The following TSNARE1 variants were observed in gnomAD, a reference collection of about 807,000 sequenced individuals.
TSNARE1 encodes the protein t-SNARE domain-containing protein 1.
A neutral mutation model predicts 62.0 loss-of-function variants in TSNARE1; 49 were observed. The observed-to-expected ratio is 0.79, with a 90% CI of 0.63 to 1.00. TSNARE1 has a LOEUF of 1.00. Among genes scored for constraint, TSNARE1 ranks in the 50% least tolerant of loss-of-function variants. TSNARE1 has a pLI of 0.00. For missense variants in TSNARE1, 755 were observed against 700.1 expected, an observed-to-expected ratio of 1.08 and a Z score of -0.88; for synonymous variants, 328 against 294.4, an observed-to-expected ratio of 1.11 and a Z score of -1.17.
At chr8:142,371,045 G>A (rs1016590689) in intron 1 of TSNARE1, among the ~76,000 whole-genome samples, 1 of 152,176 alleles carries the variant, frequency 6.6e-6, no homozygotes, top group Non-Finnish European at 1.5e-5. Context: ...GGTACAAGAG[G>A]ACATCATTTC....
chr8:142,291,468 G>C lies in TSNARE1; in HGVS notation c.1291-6983C>G, dbSNP rs1442646145. On this transcript the variant is annotated intron_variant, in intron 10 of 13. Coordinates refer to ENST00000524325, the MANE Select transcript of TSNARE1 (RefSeq NM_145003.5). This position sits in a 1 kb window ranked among gnomAD's most constrained non-coding sequence, Gnocchi z 4.8. ...CAGCAGGGCCTTGTCGTTAAACACA[G>C]AGCCTCCATGGAGTCCCAGGATAGA... 6.6e-6 allele frequency among the ~76,000 whole-genome samples: 1 copy of C among 152,154 alleles called. No homozygotes were observed. The highest frequency in any genetic ancestry group is 1.5e-5 in the Non-Finnish European group (1 of 68,028).
chr8:142,308,293 C>G (rs1044961612), intron 9 of TSNARE1, among the ~76,000 whole-genome samples: 15 of 152,138 alleles, frequency 9.9e-5, no homozygotes, highest in African/African-American at 3.6e-4. Context: ...GTGAAGGCGT[C>G]GGGGAGCCTC....
intron 12 of TSNARE1, among the ~76,000 whole-genome samples, chr8:142,262,173 G>A (rs1818928829): frequency 1.3e-5 from 2 of 152,190 alleles, no homozygotes; most frequent in Non-Finnish European, 1.5e-5. Flanking sequence ...CAGGTGGCAT[G>A]GCTGTTTTTA....
intron 13 of TSNARE1, among the ~76,000 whole-genome samples, chr8:142,228,412 C>T (rs986509784): frequency 5.3e-5 from 8 of 152,364 alleles, no homozygotes; most frequent in African/African-American, 1.9e-4. Flanking sequence ...AGCCATGCTC[C>T]AGTGCCAGCC....
intron 2 of TSNARE1, among the ~76,000 whole-genome samples, chr8:142,347,924 C>A (rs1413231755): frequency 6.6e-6 from 1 of 152,262 alleles, no homozygotes; most frequent in Admixed American, 6.5e-5. Context: ...TCACCCAAGT[C>A]CAGGTCCTGC....
rs200167238 is a variant in TSNARE1 at position 142,400,824 on chromosome 8, T to C, written c.-40+2280A>G. Among the ~76,000 whole-genome samples the C allele has an allele frequency of 5.9e-5, 9 of 152,246 alleles. No homozygotes were observed. The East Asian group carries it at 1.7e-3, about 29-fold the overall frequency. ...GACAGTTGAGGGACTCACGGCAAGA[T>C]CACCATTCTGTGTCTCAGTCTCTCC... On this transcript the variant is annotated intron_variant, in intron 1 of 13. Transcript: ENST00000524325.
intron 2 of TSNARE1, among the ~76,000 whole-genome samples, chr8:142,351,606 GGT>G (rs1267723438): frequency 6.6e-6 from 1 of 152,178 alleles, no homozygotes; most frequent in Non-Finnish European, 1.5e-5. Context: ...GAGTGCGACA[GGT>G]GATCCTAAAC....
At chr8:142,300,783 GGGGGCCTTCTGCGGCC>G in intron 9 of TSNARE1, 139 bp from the exon 10 acceptor site, 68 of 1,092,440 alleles carry the variant, frequency 6.2e-5, no homozygotes, top group Non-Finnish European at 8.1e-5. Context: ...GGTCTGAGGC[GGGGGCCTTCTGCGGCC>G]ACGAGCCTGT....
At chr8:142,237,476 C>T (rs2130150684) in intron 12 of TSNARE1, among the ~76,000 whole-genome samples, 1 of 152,342 alleles carries the variant, frequency 6.6e-6, no homozygotes, top group South Asian at 2.1e-4. Flanking sequence ...ACAAAGGGGC[C>T]CCCGTGAGTG....
chr8:142,271,452 C>A (rs1000098224), intron 12 of TSNARE1: 1 of 1,261,504 alleles, frequency 7.9e-7, no homozygotes, highest in African/African-American at 1.5e-5. Flanking sequence ...GATGCTGCCG[C>A]TGGGGTCCTC....
At chr8:142,271,804 A>G in intron 12 of TSNARE1, 1 of 667,760 alleles carries the variant, frequency 1.5e-6, no homozygotes, top group African/African-American at 1.9e-5. Flanking sequence ...CTGGAGCTGT[A>G]TGGGTCTCAC....
At chr8:142,375,053 T>C (rs190511582) in intron 1 of TSNARE1, among the ~76,000 whole-genome samples, 170 of 152,306 alleles carry the variant, frequency 1.1e-3, no homozygotes, top group Middle Eastern at 0.01. Flanking sequence ...TCAACCACAG[T>C]ACTCGACCAC....
intron 12 of TSNARE1, among the ~76,000 whole-genome samples, chr8:142,251,813 A>T (rs1818181038): frequency 6.9e-6 from 1 of 144,096 alleles, no homozygotes; most frequent in South Asian, 2.3e-4. Flanking sequence ...GGCACCATGT[A>T]CCCGCCACCC....
At chr8:142,387,101 T>C (rs1564010604) in intron 1 of TSNARE1, among the ~76,000 whole-genome samples, 1 of 152,186 alleles carries the variant, frequency 6.6e-6, no homozygotes, top group Non-Finnish European at 1.5e-5. Flanking sequence ...CAAGAGGGAA[T>C]AGTCAATATT....
At chr8:142,356,055 A>G (rs1250758069) in intron 1 of TSNARE1, among the ~76,000 whole-genome samples, 1 of 152,236 alleles carries the variant, frequency 6.6e-6, no homozygotes, top group Non-Finnish European at 1.5e-5. Flanking sequence ...ATTTTAAATA[A>G]CAAAGCTCTT....
chr8:142,367,886 T>C (rs543415273), intron 1 of TSNARE1, among the ~76,000 whole-genome samples: 6 of 152,180 alleles, frequency 3.9e-5, no homozygotes, highest in African/African-American at 1.2e-4. Flanking sequence ...GCTTAGACAT[T>C]TGGAAAAAAA....
intron 1 of TSNARE1, among the ~76,000 whole-genome samples, chr8:142,362,612 C>T (rs1373607696): frequency 6.6e-6 from 1 of 152,156 alleles, no homozygotes; most frequent in East Asian, 1.9e-4. Flanking sequence ...GCCAGCGCTT[C>T]CTCTCATCAG....
intron 1 of TSNARE1, among the ~76,000 whole-genome samples, chr8:142,383,557 T>G (rs1836915250): frequency 1.3e-5 from 2 of 152,076 alleles, no homozygotes; most frequent in African/African-American, 4.8e-5. Context: ...CACTAAAGCC[T>G]CATGGGGTCT....
At position 142,224,564 on chromosome 8, in the gene TSNARE1, T is replaced by C. The variant is rs560084909; in HGVS notation, c.*11+4909A>G. ...TCCTCACCGTGGAGACTCACAGCAC[T>C]TGCCAGGGCCTACTTGGTGCAGCCA... is the stretch of plus-strand genomic sequence containing the variant. On this transcript the variant is annotated intron_variant, in intron 13 of 13. Transcript: ENST00000524325. 2.0e-5 allele frequency among the ~76,000 whole-genome samples: 3 copies of C among 152,328 alleles called. No homozygotes were observed. In the East Asian group the frequency reaches 5.8e-4, roughly 29 times the overall value.
Sources: allele counts gnomAD v4.1 joint callset (sites outside exome capture counted in the v4.1 genomes callset), GRCh38; gene constraint gnomAD v4.1.1; non-coding constraint Gnocchi (gnomAD v3.1); transcripts MANE v1.5; gene names NCBI Gene and HGNC (gene_info 2026-07-23, HGNC 2026-07-21).